GPR155: variants seen among roughly 807,000 people sequenced by gnomAD.
GPR155 encodes lysosomal cholesterol signaling protein.
GPR155 carries 65 observed loss-of-function variants against 93.1 expected under a neutral mutation model. The ratio of observed to expected loss-of-function variants is 0.70; its 90% CI spans 0.57 to 0.86. The LOEUF (loss-of-function observed/expected upper bound fraction) is 0.86. GPR155 is among the 40% of genes least tolerant of loss of function. GPR155 has a pLI of 0.00. For synonymous variants in GPR155, 319 were observed against 360.1 expected (o/e 0.89, Z 1.29); for missense variants, 838 against 1,034.8 (o/e 0.81, Z 2.61).
At chr2:174,457,559 C>A (rs575409457) in intron 10 of GPR155, among the ~76,000 whole-genome samples, 3 of 152,076 alleles carry the variant, frequency 2.0e-5, no homozygotes, top group East Asian at 1.9e-4. Context: ...CTGGTTCAAG[C>A]GATTCTTCTG....
chr2:174,455,193 A>AAAT (rs1687478333), intron 10 of GPR155, among the ~76,000 whole-genome samples: 1 of 120,468 alleles, frequency 8.3e-6, no homozygotes, highest in Non-Finnish European at 1.8e-5. Context: ...ATAAAAATAA[A>AAAT]AATAACAACA....
In GPR155 at chr2:174,442,186, A is replaced by G; in HGVS notation, c.2110-3T>C. 3 of 1,315,842 alleles carry G rather than the reference A, an allele frequency of 2.3e-6. No homozygotes were observed. The highest frequency in any genetic ancestry group is 4.6e-5 in the East Asian group (2 of 43,420). 81.5% of individuals were successfully genotyped at this position (1,315,842 alleles called of 1,614,324 possible). On this transcript the variant is annotated splice_region_variant and splice_polypyrimidine_tract_variant and intron_variant, in intron 13 of 15. Transcript: ENST00000392552. ...AAGATTCCAAAGGAAATAAATCCCT[A>G]GGGAAGAAAACAAAGTTATTTTTTT... is the stretch of plus-strand genomic sequence containing the variant.
intron 5 of GPR155, among the ~76,000 whole-genome samples, chr2:174,467,371 C>G (rs750310162): frequency 2.4e-4 from 36 of 151,888 alleles, no homozygotes; most frequent in African/African-American, 5.3e-4. Flanking sequence ...ATCCCAGCTA[C>G]TTGGGAGGCT....
chr2:174,462,118 TG>T (rs1348932788), intron 7 of GPR155, among the ~76,000 whole-genome samples: 4 of 152,040 alleles, frequency 2.6e-5, no homozygotes, highest in Non-Finnish European at 4.4e-5. Context: ...AATTTTTTTT[TG>T]TAGAGACAGA....
At chr2:174,475,706 C>T (rs1688146156) in intron 2 of GPR155, among the ~76,000 whole-genome samples, 1 of 152,070 alleles carries the variant, frequency 6.6e-6, no homozygotes, top group Non-Finnish European at 1.5e-5. Flanking sequence ...AAACAAAAAG[C>T]AGCACTTTTG....
At chr2:174,454,044 C>T (rs1418467399) in intron 10 of GPR155, among the ~76,000 whole-genome samples, 2 of 152,198 alleles carry the variant, frequency 1.3e-5, no homozygotes, top group Non-Finnish European at 2.9e-5. Context: ...CTCATAGAAG[C>T]ACTGAATGTG....
At chr2:174,475,671 C>T (rs534762178) in intron 2 of GPR155, among the ~76,000 whole-genome samples, 1 of 152,092 alleles carries the variant, frequency 6.6e-6, no homozygotes, top group Non-Finnish European at 1.5e-5. Flanking sequence ...GGTTTTCTTT[C>T]AGGTTTCATA....
At chr2:174,472,910 G>T in intron 3 of GPR155, 55 bp downstream of exon 3, 2 of 1,405,002 alleles carry the variant, frequency 1.4e-6, no homozygotes, top group Non-Finnish European at 2.0e-6. Flanking sequence ...CTGATGAATT[G>T]GCTAAATACG....
chr2:174,466,441 T>G, intron 6 of GPR155, 103 bp downstream of exon 6: 1 of 709,730 alleles, frequency 1.4e-6, no homozygotes. Flanking sequence ...TTGGTAATAC[T>G]TCTGACTTCA....
intron 2 of GPR155, 127 bp downstream of exon 2, chr2:174,481,370 C>T (rs902695177): frequency 6.7e-5 from 41 of 616,028 alleles, no homozygotes; most frequent in Non-Finnish European, 9.8e-5. Flanking sequence ...TATGATTCAT[C>T]CTAAGACATA....
In GPR155 at chr2:174,436,136, AG is replaced by A; in HGVS notation, c.2592del (p.Ser865HisfsTer27). The A allele has an allele frequency of 1.2e-6, 2 of 1,613,260 alleles. No individual in the cohort carries two copies. The highest frequency in any genetic ancestry group is 1.7e-6 in the Non-Finnish European group (2 of 1,179,258). ...ATAATTTAGGTCTTAGGGGAATGTG[AG>A]GGTGGGGATGAATGCTCAATTTCTT... ...RYKEIEHSSP[P>X]SHSPKT On this transcript the variant is annotated frameshift_variant, in exon 16 of 16. Coordinates refer to ENST00000392552, the MANE Select transcript of GPR155 (RefSeq NM_152529.7). LOFTEE classifies it high-confidence loss of function.
chr2:174,441,340 G>A lies in GPR155; in HGVS notation c.2174+779C>T, dbSNP rs184788199. 1.5e-3 allele frequency among the ~76,000 whole-genome samples: 231 copies of A among 151,676 alleles called. 6 individuals are homozygous for A. In the Middle Eastern group the frequency reaches 0.02, roughly 13 times the overall value. On this transcript the variant is annotated intron_variant, in intron 14 of 15. Coordinates refer to ENST00000392552, the MANE Select transcript of GPR155 (RefSeq NM_152529.7). ...GCATTAAAAATACGTCCTAGTAAAA[G>A]TTTCACCATACAAAGCCTAGGATAG...
At chr2:174,437,257 A>G (rs1686812037) in intron 15 of GPR155, among the ~76,000 whole-genome samples, 1 of 152,188 alleles carries the variant, frequency 6.6e-6, no homozygotes, top group Non-Finnish European at 1.5e-5. Flanking sequence ...AGGCTACAAA[A>G]CCTAAAGTGC....
intron 2 of GPR155, among the ~76,000 whole-genome samples, chr2:174,480,533 G>A (rs1333549553): frequency 6.6e-6 from 1 of 152,082 alleles, no homozygotes; most frequent in Non-Finnish European, 1.5e-5. Flanking sequence ...GTGACAGAGT[G>A]TTCTGAAATA....
chr2:174,450,700 T>C (rs190155794), intron 11 of GPR155, among the ~76,000 whole-genome samples: 2 of 152,332 alleles, frequency 1.3e-5, no homozygotes, highest in South Asian at 2.1e-4. Context: ...TTTTACAAAA[T>C]AGATGTCTAG....
chr2:174,448,514 T>C (rs1487721192), intron 11 of GPR155, among the ~76,000 whole-genome samples: 1 of 131,942 alleles, frequency 7.6e-6, no homozygotes, highest in Non-Finnish European at 1.6e-5. Flanking sequence ...GGGAAGTTTT[T>C]TGTTTTTTGT....
chr2:174,445,255 C>T (rs1687085712), intron 12 of GPR155, 79 bp from the exon 13 acceptor site: 1 of 694,492 alleles, frequency 1.4e-6, no homozygotes, highest in Non-Finnish European at 2.6e-6. Flanking sequence ...AGTACAATAA[C>T]TTACCTACTT....
intron 12 of GPR155, 72 bp from the exon 13 acceptor site, chr2:174,445,248 A>G (rs1687085532): frequency 4.1e-6 from 3 of 726,920 alleles, no homozygotes; most frequent in African/African-American, 1.8e-5. Context: ...ACAGCATAGT[A>G]CAATAACTTA....
Position 174,470,389 on chromosome 2 carries a change from C to T in GPR155, c.1026+1G>A, listed in dbSNP as rs1687959336. ...AAACTTAGAAAGTACTATATACATA[C>T]AATTTCTACTTCCATGTTGAATTGT... On this transcript the variant is annotated splice_donor_variant, in intron 4 of 15. Transcript: ENST00000392552. LOFTEE classifies it high-confidence loss of function. The T allele has an allele frequency of 1.9e-6, 3 of 1,609,780 alleles. No individual in the cohort carries two copies. The South Asian group carries it at 3.3e-5, about 18-fold the overall frequency.
Sources: gnomAD v4.1 joint callset for allele counts (sites outside exome capture counted in the v4.1 genomes callset) on GRCh38, gnomAD v4.1.1 for gene constraint, MANE v1.5 for transcripts, NCBI Gene and HGNC (gene_info 2026-07-23, HGNC 2026-07-21) for gene names.